VMA21: variants seen among roughly 807,000 people sequenced by gnomAD.
VMA21 encodes the protein vacuolar ATPase assembly integral membrane protein VMA21.
For synonymous variants in VMA21, 47 were observed against 34.1 expected (o/e 1.38, Z -1.32); for missense variants, 61 against 80.6 (o/e 0.76, Z 0.93).
At chrX:151,399,157 T>C (rs1054900094) in intron 1 of VMA21, among the ~76,000 whole-genome samples, 14 of 111,806 alleles carry the variant, frequency 1.3e-4, no homozygotes, top group African/African-American at 4.6e-4. Flanking sequence ...ATTAGTGAGG[T>C]CACAACACAG....
intron 1 of VMA21, among the ~76,000 whole-genome samples, chrX:151,399,657 A>G (rs2011222897): frequency 1.8e-5 from 2 of 112,097 alleles, no homozygotes; most frequent in South Asian, 3.7e-4. Flanking sequence ...CTAAAAATTT[A>G]CTAGTAGGAA....
In VMA21 at chrX:151,409,350, G is replaced by T. The variant is rs1285772068; in HGVS notation, c.*4292G>T. ...GTACCATCTGATGTCATTAAAAAAA[G>T]TGTTTGTAGTGCTACTTTGCTGTGT... On this transcript the variant is annotated 3_prime_UTR_variant, in exon 3 of 3. Coordinates refer to ENST00000330374, the MANE Select transcript of VMA21 (RefSeq NM_001017980.4). 1 of 111,879 alleles carries T rather than the reference G, an allele frequency of 8.9e-6. No homozygotes were observed. Among genetic ancestry groups the T allele is most frequent in the Non-Finnish European group, 1.9e-5 (1 of 53,261 alleles). 9.2% of individuals were successfully genotyped at this position (111,879 alleles called of 1,213,427 possible).
chrX:151,400,227 G>T (rs2011227259), intron 1 of VMA21, among the ~76,000 whole-genome samples: 1 of 96,608 alleles, frequency 1.0e-5, no homozygotes, highest in African/African-American at 3.9e-5. Context: ...GGTAACTACT[G>T]TTTTATTCTC....
At position 151,407,884 on chromosome X, in the gene VMA21, T is replaced by G. The variant is rs1366234250; in HGVS notation, c.*2826T>G. 1 of 111,108 alleles carries G rather than the reference T, an allele frequency of 9.0e-6. No homozygotes were observed. Among genetic ancestry groups the G allele is most frequent in the Non-Finnish European group, 1.9e-5 (1 of 53,044 alleles). The allele number at this position is 111,108 out of a possible 1,213,427, so 9.2% of individuals were successfully genotyped here. ...CATTGTAATAATTAGAACATTTTGT[T>G]TTCTTTTTTCTTTTTTTTTTTTTCG... On this transcript the variant is annotated 3_prime_UTR_variant, in exon 3 of 3. Coordinates refer to ENST00000330374, the MANE Select transcript of VMA21 (RefSeq NM_001017980.4).
At chrX:151,398,276 A>G (rs1379951611) in intron 1 of VMA21, among the ~76,000 whole-genome samples, 1 of 104,944 alleles carries the variant, frequency 9.5e-6, no homozygotes, top group Non-Finnish European at 2.0e-5. Flanking sequence ...GGCTTGGCGT[A>G]CAGGTAATTT....
chrX:151,402,064 A>G (rs866222227), intron 1 of VMA21, among the ~76,000 whole-genome samples: 57 of 111,183 alleles, frequency 5.1e-4, no homozygotes, highest in African/African-American at 8.5e-4. Context: ...TTTTAATGCT[A>G]TTATAAATGA....
chrX:151,404,441 C>T (rs1194257469), intron 2 of VMA21, among the ~76,000 whole-genome samples: 20 of 110,178 alleles, frequency 1.8e-4, no homozygotes, highest in Admixed American at 9.6e-5. Context: ...GTTTTTGAGA[C>T]GGAGTCTCGC....
rs771320378 is a variant in VMA21 at position 151,403,143 on chromosome X, G to A, written c.54-488G>A. On this transcript the variant is annotated intron_variant, in intron 1 of 2. Coordinates refer to ENST00000330374, the MANE Select transcript of VMA21 (RefSeq NM_001017980.4). The stretch of plus-strand genomic sequence containing the variant: ...CATGCTGGAGGACAGCAAGCTGGTC[G>A]CTTCCCGTGACGGAAGCTCTGATTC... 6.2e-5 allele frequency among the ~76,000 whole-genome samples: 7 copies of A among 112,202 alleles called. No homozygotes were observed. In the South Asian group the frequency reaches 1.9e-3, roughly 30 times the overall value.
In VMA21 at chrX:151,402,157, C is replaced by T. The variant is rs182749906; in HGVS notation, c.54-1474C>T. 7.2e-3 allele frequency among the ~76,000 whole-genome samples: 801 copies of T among 111,652 alleles called. 4 individuals carry two copies. The highest frequency in any genetic ancestry group is 0.039 in the Admixed American group (408 of 10,566). ...CTTTTTCTGCATCAACTGAGATGAT[C>T]CTACTTGGTCATAATATATAATCTT... On this transcript the variant is annotated intron_variant, in intron 1 of 2. Transcript: ENST00000330374.
Position 151,405,254 on chromosome X carries a change from A to G in VMA21, c.*196A>G. On this transcript the variant is annotated 3_prime_UTR_variant, in exon 3 of 3. Coordinates refer to ENST00000330374, the MANE Select transcript of VMA21 (RefSeq NM_001017980.4). The stretch of plus-strand genomic sequence containing the variant: ...TTTAACTGTATGAATCTGATTTGCA[A>G]ATGAGAATTTGGAAAAGTTAGTTAC... 1 of 395,962 alleles carries G rather than the reference A, an allele frequency of 2.5e-6. No individual in the cohort carries two copies. Among genetic ancestry groups the G allele is most frequent in the Non-Finnish European group, 3.9e-6 (1 of 255,023 alleles). 32.6% of individuals were successfully genotyped at this position (395,962 alleles called of 1,213,427 possible).
At chrX:151,403,596 A>G in intron 1 of VMA21, 35 bp from the exon 2 acceptor site, 2 of 1,028,261 alleles carry the variant, frequency 1.9e-6, no homozygotes, top group East Asian at 6.1e-5. Flanking sequence ...ATGACTGTGC[A>G]GGTTCTGATT....
chrX:151,404,560 AGGC>A (rs2011267643), intron 2 of VMA21, among the ~76,000 whole-genome samples: 34 of 110,511 alleles, frequency 3.1e-4, no homozygotes, highest in Admixed American at 3.0e-3. Flanking sequence ...CTGGGACTAC[AGGC>A]GCCTGCCACT....
intron 1 of VMA21, among the ~76,000 whole-genome samples, chrX:151,401,765 G>A (rs1348460991): frequency 9.1e-6 from 1 of 109,411 alleles, no homozygotes; most frequent in Non-Finnish European, 1.9e-5. Flanking sequence ...CTTTTTTTTT[G>A]AAATAGAGTC....
At chrX:151,397,402 C>G in intron 1 of VMA21, 41 bp downstream of exon 1, 1 of 1,151,491 alleles carries the variant, frequency 8.7e-7, no homozygotes, top group Non-Finnish European at 1.2e-6. Context: ...CGGACTGGCC[C>G]CAGCCTGGAG....
rs1358391153 is a variant in VMA21, at chrX:151,409,041, T to G, written c.*3983T>G. The G allele has an allele frequency of 8.9e-6, 1 of 112,765 alleles. No individual in the cohort carries two copies. The highest frequency in any genetic ancestry group is 1.9e-5 in the Non-Finnish European group (1 of 53,292). The allele number at this position is 112,765 out of a possible 1,213,427, so 9.3% of individuals were successfully genotyped here. ...AACGTTCACACATTCTCATTTGAGT[T>G]TTGCATAGTGAACCTGTTACGAGAT... On this transcript the variant is annotated 3_prime_UTR_variant, in exon 3 of 3. Transcript: ENST00000330374.
chrX:151,397,656 C>CGCA (rs2011205116), intron 1 of VMA21, among the ~76,000 whole-genome samples: 1 of 112,749 alleles, frequency 8.9e-6, no homozygotes, highest in Admixed American at 9.3e-5. Flanking sequence ...CTTTCATTAC[C>CGCA]GCAGGGTCAG....
Position 151,405,157 on chromosome X carries a change from A to G in VMA21, c.*99A>G. On this transcript the variant is annotated 3_prime_UTR_variant, in exon 3 of 3. Transcript: ENST00000330374. ...GAATAAAGTTGAAAGAACATGTTAAAGTCAGTCTTAAGGAGTCACGTTTGA... is the reference window on the plus strand; with the variant it reads ...GAATAAAGTTGAAAGAACATGTTAAGGTCAGTCTTAAGGAGTCACGTTTGA... 1 of 1,045,197 alleles carries G rather than the reference A, an allele frequency of 9.6e-7. No individual in the cohort carries two copies. Among genetic ancestry groups the G allele is most frequent in the Non-Finnish European group, 1.3e-6 (1 of 765,833 alleles). The allele number at this position is 1,045,197 out of a possible 1,213,427, so 86.1% of individuals were successfully genotyped here.
In VMA21 at chrX:151,405,868, TTGTAG is replaced by T. The variant is rs1276006295; in HGVS notation, c.*815_*819del. ...TTGTTTTTTTTACTATTTTTTAAAATTGTAGTGTATATGATAGGAATTTGCATTTA... is the reference window on the plus strand; with the variant it reads ...TTGTTTTTTTTACTATTTTTTAAAATTGTATATGATAGGAATTTGCATTTA... On this transcript the variant is annotated 3_prime_UTR_variant, in exon 3 of 3. Coordinates refer to ENST00000330374, the MANE Select transcript of VMA21 (RefSeq NM_001017980.4). The T allele has an allele frequency of 1.4e-4, 16 of 112,164 alleles. No individual in the cohort carries two copies. The highest frequency in any genetic ancestry group is 4.5e-4 in the African/African-American group (14 of 30,918). The allele number at this position is 112,164 out of a possible 1,213,427, so 9.2% of individuals were successfully genotyped here.
In VMA21 at chrX:151,406,230, A is replaced by T. The variant is rs2011290654; in HGVS notation, c.*1172A>T. 8.9e-6 allele frequency: 1 copy of T among 112,222 alleles called. No individual in the cohort carries two copies. The allele number at this position is 112,222 out of a possible 1,213,427, so 9.2% of individuals were successfully genotyped here. ...CTATTTTAGTTGATATCCCGTATTC[A>T]TTTTTGAAAGCCATTCCTTAATGCT... On this transcript the variant is annotated 3_prime_UTR_variant, in exon 3 of 3. Transcript: ENST00000330374.
Sources: allele counts gnomAD v4.1 joint callset (sites outside exome capture counted in the v4.1 genomes callset), GRCh38; gene constraint gnomAD v4.1.1; transcripts MANE v1.5; gene names NCBI Gene and HGNC (gene_info 2026-07-23, HGNC 2026-07-21).